STAG3: variants seen among roughly 807,000 people sequenced by gnomAD.
STAG3 encodes the protein STAG3 cohesin complex component.
A neutral mutation model predicts 160.7 loss-of-function variants in STAG3; 101 were observed. That is an observed-to-expected ratio of 0.63 (90% CI 0.54 to 0.74). STAG3 has a LOEUF of 0.74. Ranked by LOEUF, STAG3 falls within the 30% of genes least tolerant of loss-of-function variation. STAG3 has a pLI of 0.00. For synonymous variants in STAG3, 519 were observed against 585.0 expected, an observed-to-expected ratio of 0.89 and a Z score of 1.63; for missense variants, 1,188 against 1,517.4, an observed-to-expected ratio of 0.78 and a Z score of 3.61.
chr7:100,202,722 G>C, intron 25 of STAG3, 132 bp downstream of exon 25: 1 of 1,172,122 alleles, frequency 8.5e-7, no homozygotes, highest in Non-Finnish European at 1.2e-6. Flanking sequence ...GGAGGGAAAG[G>C]CACTGGGAGT....
chr7:100,202,418 A>C (rs1801225310), intron 24 of STAG3, 36 bp from the exon 25 acceptor site: 1 of 1,610,432 alleles, frequency 6.2e-7, no homozygotes, highest in African/African-American at 1.3e-5. Flanking sequence ...AGGAAGCTTA[A>C]GTCTGTGATT....
intron 8 of STAG3, among the ~76,000 whole-genome samples, chr7:100,191,997 A>G (rs13312445): frequency 6.6e-6 from 1 of 152,240 alleles, no homozygotes. Context: ...TTGCTCATTC[A>G]TAAGAAGCAA....
intron 4 of STAG3, among the ~76,000 whole-genome samples, chr7:100,183,988 G>A (rs1284290189): frequency 6.6e-6 from 1 of 152,074 alleles, no homozygotes; most frequent in Non-Finnish European, 1.5e-5. Flanking sequence ...TGTAGGGGCC[G>A]GGCACAGTGG....
intron 17 of STAG3, 56 bp downstream of exon 17, chr7:100,200,384 C>G: frequency 6.2e-7 from 1 of 1,612,918 alleles, no homozygotes; most frequent in Non-Finnish European, 8.5e-7. Context: ...GAAATGGCCT[C>G]TGTGGGGGTG....
In STAG3 at chr7:100,198,826, C is replaced by T. The variant is rs369395293; in HGVS notation, c.1353-17C>T. ...TTCCTGTTGTGCTGAGCCCTTTCCTCGTGTCCATTCCACCAGACTCTTCTA... is the reference window on the plus strand; with the variant it reads ...TTCCTGTTGTGCTGAGCCCTTTCCTTGTGTCCATTCCACCAGACTCTTCTA... On this transcript the variant is annotated splice_polypyrimidine_tract_variant and intron_variant, in intron 13 of 33. Transcript: ENST00000615138. The T allele has an allele frequency of 5.9e-5, 95 of 1,603,888 alleles. No individual in the cohort carries two copies. The highest frequency in any genetic ancestry group is 7.0e-5 in the Non-Finnish European group (82 of 1,172,404).
intron 29 of STAG3, among the ~76,000 whole-genome samples, chr7:100,208,083 T>C (rs1801828657): frequency 6.6e-6 from 1 of 151,700 alleles, no homozygotes; most frequent in Non-Finnish European, 1.5e-5. Context: ...TCCACTGCAC[T>C]CCAACCTGGG....
intron 26 of STAG3, 116 bp downstream of exon 26, chr7:100,204,238 T>A: frequency 5.3e-6 from 4 of 756,674 alleles, no homozygotes; most frequent in Non-Finnish European, 8.7e-6. Context: ...TTTTGACTCT[T>A]AACTTTACGT....
At chr7:100,200,733 C>T in intron 18 of STAG3, 36 bp from the exon 19 acceptor site, 3 of 1,606,726 alleles carry the variant, frequency 1.9e-6, no homozygotes, top group Non-Finnish European at 2.6e-6. Context: ...CTCCTCCCAT[C>T]CCCACAGCAC....
chr7:100,211,204 T>C lies in STAG3; in HGVS notation c.3413+19T>C. 1 of 1,540,126 alleles carries C rather than the reference T, an allele frequency of 6.5e-7. No homozygotes were observed. The highest frequency in any genetic ancestry group is 8.7e-7 in the Non-Finnish European group (1 of 1,146,218). Reference sequence around the variant, plus strand: ...CCCAGGGGTGAGGCCATGGAGGGAATCTGGGTGTCTGAGTTCCCAGTTTGG... The same window carrying C: ...CCCAGGGGTGAGGCCATGGAGGGAACCTGGGTGTCTGAGTTCCCAGTTTGG... On this transcript the variant is annotated intron_variant, in intron 30 of 33. Coordinates refer to ENST00000615138, the MANE Select transcript of STAG3 (RefSeq NM_001282717.2).
chr7:100,180,504 T>A lies in STAG3; in HGVS notation c.-53T>A, dbSNP rs961838669. On this transcript the variant is annotated 5_prime_UTR_variant, in exon 2 of 34. Transcript: ENST00000615138. ...TCTTTCTTCCCCAGCTGGATCGCCA[T>A]ACCTACCCTGTGGTCCTCATCTTCC... 7.7e-5 allele frequency: 83 copies of A among 1,075,294 alleles called. No homozygotes were observed. Among genetic ancestry groups the A allele is most frequent in the Non-Finnish European group, 1.1e-4 (76 of 688,970 alleles). 66.6% of individuals were successfully genotyped at this position (1,075,294 alleles called of 1,614,324 possible).
chr7:100,213,912 T>C (rs1359744842), intron 33 of STAG3, 95 bp from the exon 34 acceptor site: 8 of 1,612,864 alleles, frequency 5.0e-6, no homozygotes, highest in Non-Finnish European at 6.8e-6. Context: ...CCCTCTGGGC[T>C]GTCTCTGGGG....
intron 15 of STAG3, 66 bp from the exon 16 acceptor site, chr7:100,199,475 G>A (rs1800928549): frequency 1.0e-5 from 16 of 1,558,378 alleles, no homozygotes; most frequent in Non-Finnish European, 1.3e-5. Flanking sequence ...CATCGGGTGG[G>A]GGGAGCTTGG....
intron 4 of STAG3, among the ~76,000 whole-genome samples, chr7:100,185,961 C>T (rs1263281512): frequency 6.6e-6 from 1 of 152,156 alleles, no homozygotes; most frequent in African/African-American, 2.4e-5. Flanking sequence ...GTCATAAATC[C>T]CCAGGGATTA....
chr7:100,201,794 G>C lies in STAG3; in HGVS notation c.2229G>C (p.Leu743=), dbSNP rs1003100305. 6.2e-7 allele frequency: 1 copy of C among 1,613,962 alleles called. No individual in the cohort carries two copies. Among genetic ancestry groups the C allele is most frequent in the Non-Finnish European group, 8.5e-7 (1 of 1,180,016 alleles). ...DTGEVPHQVI[L]PALTLVYFSI... ...ACCCTTTGTTGTTACAGGTTATCCT[G>C]CCAGCCTTGACTCTTGTCTATTTTT... Residue 743 remains leucine (L), a synonymous_variant, in exon 22 of 34, where the codon CTG becomes CTC. Transcript: ENST00000615138.
chr7:100,186,471 C>T (rs1028925513), intron 5 of STAG3, among the ~76,000 whole-genome samples, 175 bp downstream of exon 5: 1 of 152,158 alleles, frequency 6.6e-6, no homozygotes, highest in African/African-American at 2.4e-5. Context: ...GTAATCCCAG[C>T]ACTTTGGGAA....
intron 5 of STAG3, among the ~76,000 whole-genome samples, chr7:100,188,239 C>T (rs1243939235): frequency 6.6e-6 from 1 of 152,144 alleles, no homozygotes; most frequent in East Asian, 1.9e-4. Context: ...ATGTCTACAC[C>T]ATAACCTGTG....
intron 5 of STAG3, among the ~76,000 whole-genome samples, chr7:100,186,612 A>G (rs1021391599): frequency 1.3e-5 from 2 of 152,022 alleles, no homozygotes; most frequent in African/African-American, 4.8e-5. Context: ...TGAACCCAGG[A>G]GGTGGAGGTT....
rs756610854 is a variant in STAG3, at chr7:100,205,016, A to G, written c.2963A>G (p.Gln988Arg). The change falls in exon 28 of 34, where the codon CAG (glutamine) becomes CGG (arginine). Residue 988 changes from glutamine (Q) to arginine (R), a missense_variant. Physicochemically the swap from Gln to Arg is conservative, Grantham distance 43. Coordinates refer to ENST00000615138, the MANE Select transcript of STAG3 (RefSeq NM_001282717.2). ...TCTGCCCAACCAAGGGAAGGCATCC[A>G]GTTCTCCTTGTCTGAGCTTCCTCCA... ...LVVMLHKEGI[Q>R]FSLSELPPAG... is the part of the protein sequence containing the mutation. 4 of 1,613,670 alleles carry G rather than the reference A, an allele frequency of 2.5e-6. No homozygotes were observed. Among genetic ancestry groups the G allele is most frequent in the Non-Finnish European group, 3.4e-6 (4 of 1,179,786 alleles).
chr7:100,195,321 C>T lies in STAG3; in HGVS notation c.880C>T (p.Gln294Ter), dbSNP rs754437572. The stretch of plus-strand genomic sequence containing the variant: ...CCCTGTCCTCCAGCTCCAAGAGCAT[C>T]AAGAGGAGATTGAGGGGATGATGAA... ...LEKRKELQEH[Q>*]EEIEGMMNAL... Residue 294 changes from glutamine to a stop codon, truncating the protein, a stop_gained, in exon 9 of 34, where the codon CAA becomes TAA. Coordinates refer to ENST00000615138, the MANE Select transcript of STAG3 (RefSeq NM_001282717.2). LOFTEE classifies it high-confidence loss of function. 2 of 1,614,152 alleles carry T rather than the reference C, an allele frequency of 1.2e-6. No homozygotes were observed. Among genetic ancestry groups the T allele is most frequent in the Non-Finnish European group, 1.7e-6 (2 of 1,180,010 alleles).
Sources: gnomAD v4.1 joint callset for allele counts (sites outside exome capture counted in the v4.1 genomes callset) on GRCh38, gnomAD v4.1.1 for gene constraint, MANE v1.5 for transcripts, NCBI Gene and HGNC (gene_info 2026-07-23, HGNC 2026-07-21) for gene names.